GRAMD2B: variants seen among roughly 807,000 people sequenced by gnomAD.
GRAMD2B encodes the protein GRAM domain-containing protein 2B.
Under a neutral mutation model 59.2 loss-of-function variants are expected in GRAMD2B, and 41 were observed. The ratio of observed to expected loss-of-function variants is 0.69; its 90% CI spans 0.54 to 0.90. The LOEUF is 0.90. Among genes scored for constraint, GRAMD2B ranks in the 40% least tolerant of loss-of-function variants. The probability of loss-of-function intolerance (pLI) is 0.00; values close to 1 mark genes in which losing one functional copy is unlikely to be tolerated. For missense variants in GRAMD2B, 424 were observed against 500.5 expected, an observed-to-expected ratio of 0.85 and a Z score of 1.46; for synonymous variants, 161 against 182.7, an observed-to-expected ratio of 0.88 and a Z score of 0.96.
At chr5:126,363,732 A>G (rs1754322594) in intron 1 of GRAMD2B, among the ~76,000 whole-genome samples, 1 of 152,220 alleles carries the variant, frequency 6.6e-6, no homozygotes, top group South Asian at 2.1e-4. Flanking sequence ...TACTTTTTCT[A>G]TATATACAGA....
intron 1 of GRAMD2B, among the ~76,000 whole-genome samples, chr5:126,375,882 G>A (rs1755143981): frequency 6.6e-6 from 1 of 152,170 alleles, no homozygotes; most frequent in Admixed American, 6.5e-5. Context: ...TGCTTTCCCA[G>A]CCTCCATTGA....
intron 6 of GRAMD2B, among the ~76,000 whole-genome samples, chr5:126,478,378 C>T (rs1212226276): frequency 6.6e-6 from 1 of 152,030 alleles, no homozygotes; most frequent in East Asian, 1.9e-4. Flanking sequence ...GTAAAGGCTG[C>T]AGTGAGCCAT....
Position 126,382,631 on chromosome 5 carries a change from A to G in GRAMD2B, c.125+11064A>G, listed in dbSNP as rs1356462860. ...TAAAAATTTCTTTAAATTGGTATTT[A>G]CCTTTCTCTGGAGGCTCCTTGATTT... On this transcript the variant is annotated intron_variant, in intron 1 of 8. Transcript: ENST00000506445. Among the ~76,000 whole-genome samples the G allele has an allele frequency of 2.6e-5, 4 of 152,218 alleles. No homozygotes were observed. In the East Asian group the frequency reaches 7.7e-4, roughly 29 times the overall value.
chr5:126,424,194 A>C (rs1760184177), intron 1 of GRAMD2B, among the ~76,000 whole-genome samples: 1 of 152,238 alleles, frequency 6.6e-6, no homozygotes. Context: ...TTTGGTGACC[A>C]TTGCCACATT....
intron 1 of GRAMD2B, among the ~76,000 whole-genome samples, chr5:126,364,351 G>A (rs1028807954): frequency 4.6e-5 from 7 of 152,178 alleles, no homozygotes; most frequent in African/African-American, 1.7e-4. Flanking sequence ...TCAGAAAATT[G>A]TGGAAATTTT....
chr5:126,468,581 G>A (rs1219511759), intron 2 of GRAMD2B, among the ~76,000 whole-genome samples: 3 of 151,918 alleles, frequency 2.0e-5, no homozygotes, highest in South Asian at 2.1e-4. Context: ...TCTGCCTCCC[G>A]GGTTCAAGCG....
chr5:126,449,424 C>G (rs72784523), intron 1 of GRAMD2B, among the ~76,000 whole-genome samples: 217 of 152,260 alleles, frequency 1.4e-3, no homozygotes, highest in Admixed American at 3.5e-3. Context: ...TGGATAACTT[C>G]TAAGGAAAGC....
chr5:126,374,872 C>T (rs1216418809), intron 1 of GRAMD2B, among the ~76,000 whole-genome samples: 1 of 152,204 alleles, frequency 6.6e-6, no homozygotes, highest in Non-Finnish European at 1.5e-5. Context: ...TAAGACAAGA[C>T]TCCTTACCCA....
chr5:126,372,173 T>C (rs1445367475), intron 1 of GRAMD2B, among the ~76,000 whole-genome samples: 1 of 152,204 alleles, frequency 6.6e-6, no homozygotes, highest in Admixed American at 6.5e-5. Context: ...ATATTTTTCA[T>C]GAAAATTTAT....
intron 1 of GRAMD2B, among the ~76,000 whole-genome samples, chr5:126,451,069 C>T (rs1300200050): frequency 1.3e-5 from 2 of 152,188 alleles, no homozygotes; most frequent in African/African-American, 4.8e-5. Context: ...CAGCTTGCAC[C>T]CTACATCTGG....
chr5:126,378,514 T>C (rs1177988250), intron 1 of GRAMD2B, among the ~76,000 whole-genome samples: 1 of 152,218 alleles, frequency 6.6e-6, no homozygotes, highest in Non-Finnish European at 1.5e-5. Flanking sequence ...GACTCTAAAA[T>C]TGTATAAGCT....
intron 4 of GRAMD2B, among the ~76,000 whole-genome samples, chr5:126,472,735 T>C (rs971227305): frequency 6.6e-6 from 1 of 152,218 alleles, no homozygotes; most frequent in African/African-American, 2.4e-5. Flanking sequence ...TTGCCCAGCA[T>C]GCTAGTTAAG....
chr5:126,490,559 G>A (rs561181059), intron 13 of GRAMD2B, among the ~76,000 whole-genome samples: 2 of 152,190 alleles, frequency 1.3e-5, no homozygotes, highest in African/African-American at 2.4e-5. Flanking sequence ...CAAAATGCGC[G>A]TGTTGATGTT....
intron 1 of GRAMD2B, among the ~76,000 whole-genome samples, chr5:126,446,981 C>T (rs568556093): frequency 1.4e-4 from 21 of 152,296 alleles, no homozygotes; most frequent in Middle Eastern, 3.4e-3. Flanking sequence ...TAAGGCATGA[C>T]GGCCCCTCCC....
At chr5:126,379,504 T>C (rs2149702091) in intron 1 of GRAMD2B, among the ~76,000 whole-genome samples, 1 of 152,312 alleles carries the variant, frequency 6.6e-6, no homozygotes, top group East Asian at 1.9e-4. Flanking sequence ...GTGGTGGTAC[T>C]GATTTCCATT....
rs749344334 is a variant in GRAMD2B, at chr5:126,430,374, T to TA, written c.83+6686dup. Among the ~76,000 whole-genome samples the TA allele has an allele frequency of 6.6e-5, 10 of 152,334 alleles. No homozygotes were observed. The East Asian group carries it at 1.5e-3, about 23-fold the overall frequency. Reference sequence around the variant, plus strand: ...ATTTGTAACAACTTTATTGAGTTTTTACCTCATAAAATTTACCCATTTCCA... The same window carrying TA: ...ATTTGTAACAACTTTATTGAGTTTTTAACCTCATAAAATTTACCCATTTCCA... On this transcript the variant is annotated intron_variant, in intron 1 of 13. Coordinates refer to ENST00000285689, the MANE Select transcript of GRAMD2B (RefSeq NM_023927.4).
rs747811342 is a variant in GRAMD2B at position 126,477,784 on chromosome 5, C to T, written c.579C>T (p.Asp193=). ...CCCTGATCATAGCAACAGTCACAGACAGGGTGAGTATGCAGCCGAGCGAGG... is the reference window on the plus strand; with the variant it reads ...CCCTGATCATAGCAACAGTCACAGATAGGGTGAGTATGCAGCCGAGCGAGG... The part of the protein sequence containing the change: ...PNALIIATVT[D]RYIFVSLLSR... The change falls in exon 6 of 14, where the codon GAC becomes GAT. Residue 193 remains aspartate (D), a synonymous_variant. Coordinates refer to ENST00000285689, the MANE Select transcript of GRAMD2B (RefSeq NM_023927.4). The T allele has an allele frequency of 6.3e-6, 10 of 1,598,774 alleles. No homozygotes were observed. The African/African-American group carries it at 1.1e-4, about 17-fold the overall frequency.
intron 1 of GRAMD2B, among the ~76,000 whole-genome samples, chr5:126,383,963 C>G (rs1307868101): frequency 1.3e-5 from 2 of 152,094 alleles, no homozygotes; most frequent in Non-Finnish European, 2.9e-5. Context: ...CTTAAATGTT[C>G]TAATGCTGGT....
chr5:126,476,155 C>T (rs779607823), intron 5 of GRAMD2B, among the ~76,000 whole-genome samples: 2 of 152,146 alleles, frequency 1.3e-5, no homozygotes, highest in Non-Finnish European at 2.9e-5. Flanking sequence ...TGCCTGTAAT[C>T]CCAGCTACTC....
Sources: allele counts gnomAD v4.1 joint callset (sites outside exome capture counted in the v4.1 genomes callset), GRCh38; gene constraint gnomAD v4.1.1; transcripts MANE v1.5; gene names NCBI Gene and HGNC (gene_info 2026-07-23, HGNC 2026-07-21).